Variants in ATP2C2 observed in about 807,000 individuals in gnomAD.
ATP2C2 encodes calcium-transporting ATPase type 2C member 2.
A neutral mutation model predicts 110.8 loss-of-function variants in ATP2C2; 171 were observed. The observed-to-expected ratio is 1.54, with a 90% CI of 1.36 to 1.75. The LOEUF (loss-of-function observed/expected upper bound fraction) is 1.75. Ranked by LOEUF, ATP2C2 falls within the 40% of genes most tolerant of loss-of-function variation. The probability of loss-of-function intolerance (pLI) is 0.00; values close to 1 mark genes in which losing one functional copy is unlikely to be tolerated. For missense variants in ATP2C2, 1,963 were observed against 1,235.0 expected, an observed-to-expected ratio of 1.59 and a Z score of -8.84; for synonymous variants, 804 against 508.4, an observed-to-expected ratio of 1.58 and a Z score of -7.82.
intron 23 of ATP2C2, chr16:84,460,270 TG>T (rs1465474613): frequency 4.0e-5 from 12 of 298,198 alleles, no homozygotes; most frequent in Non-Finnish European, 7.2e-5. Context: ...TGGAGTTGGC[TG>T]GAGGCTGGTC....
At chr16:84,438,902 C>G (rs1908983511) in intron 11 of ATP2C2, 1 of 350,602 alleles carries the variant, frequency 2.9e-6, no homozygotes, top group African/African-American at 2.0e-5. Context: ...AGAGGCAAAA[C>G]AGCTGACAGA....
chr16:84,429,311 C>T (rs546934032), intron 11 of ATP2C2, among the ~76,000 whole-genome samples: 15 of 152,222 alleles, frequency 9.9e-5, no homozygotes, highest in Non-Finnish European at 1.8e-4. Context: ...ACCACCACAC[C>T]CAGCTAATTT....
chr16:84,390,708 G>A (rs1250900220), intron 1 of ATP2C2, among the ~76,000 whole-genome samples: 1 of 152,158 alleles, frequency 6.6e-6, no homozygotes, highest in Non-Finnish European at 1.5e-5. Context: ...GCTCCACGTG[G>A]TGCCTGCACA....
intron 11 of ATP2C2, among the ~76,000 whole-genome samples, chr16:84,434,548 C>G (rs1020017087): frequency 1.3e-5 from 2 of 151,752 alleles, no homozygotes; most frequent in South Asian, 2.1e-4. Context: ...GATGGAGTCT[C>G]TCTCTGTCAC....
At chr16:84,409,444 T>G (rs1817131549) in intron 4 of ATP2C2, among the ~76,000 whole-genome samples, 1 of 152,060 alleles carries the variant, frequency 6.6e-6, no homozygotes, top group South Asian at 2.1e-4. Context: ...GAACTTAAAG[T>G]ATAACAAGAA....
At chr16:84,376,114 G>A (rs193032658) in intron 1 of ATP2C2, among the ~76,000 whole-genome samples, 3 of 152,172 alleles carry the variant, frequency 2.0e-5, no homozygotes, top group East Asian at 3.8e-4. Flanking sequence ...GGGTCTGTAC[G>A]TGACCATTTG....
intron 17 of ATP2C2, among the ~76,000 whole-genome samples, chr16:84,450,289 T>A (rs1910139636): frequency 6.6e-6 from 1 of 152,158 alleles, no homozygotes; most frequent in East Asian, 1.9e-4. Context: ...ATGTTATTCC[T>A]CAGCAGGTGA....
At chr16:84,460,628 A>T (rs773598307) in intron 23 of ATP2C2, 26 bp from the exon 24 acceptor site, 2 of 1,614,080 alleles carry the variant, frequency 1.2e-6, no homozygotes, top group Non-Finnish European at 1.7e-6. Context: ...GTTCATTTCA[A>T]AGTGTCTGTG....
chr16:84,373,613 C>T (rs968086437), intron 1 of ATP2C2, among the ~76,000 whole-genome samples: 2 of 152,146 alleles, frequency 1.3e-5, no homozygotes, highest in Admixed American at 1.3e-4. Context: ...AAGTCTAGGT[C>T]CAGTCTACAC....
At chr16:84,396,075 T>C (rs182732121) in intron 1 of ATP2C2, among the ~76,000 whole-genome samples, 4 of 152,288 alleles carry the variant, frequency 2.6e-5, no homozygotes, top group African/African-American at 9.6e-5. Flanking sequence ...GGATTTGTCC[T>C]TTCGGGTCTG....
intron 11 of ATP2C2, among the ~76,000 whole-genome samples, chr16:84,434,056 C>T (rs568328043): frequency 6.6e-6 from 1 of 152,284 alleles, no homozygotes; most frequent in South Asian, 2.1e-4. Flanking sequence ...GCAGCTTAGC[C>T]AGCGGAGATT....
At chr16:84,410,853 C>A in intron 6 of ATP2C2, 88 bp downstream of exon 6, 1 of 1,338,178 alleles carries the variant, frequency 7.5e-7, no homozygotes, top group Non-Finnish European at 1.1e-6. Context: ...AAAGTTGTAT[C>A]CTTGGTAGTG....
chr16:84,401,222 C>CTTTTTTT (rs55635029), intron 2 of ATP2C2, among the ~76,000 whole-genome samples: 2 of 121,562 alleles, frequency 1.6e-5, no homozygotes, highest in African/African-American at 3.1e-5. Context: ...AGTCTTTAAT[C>CTTTTTTT]TTTTTTTTTT....
Position 84,453,123 on chromosome 16 carries a change from C to A in ATP2C2, c.1832-15C>A, listed in dbSNP as rs759141003. On this transcript the variant is annotated splice_polypyrimidine_tract_variant and intron_variant, in intron 18 of 26. Coordinates refer to ENST00000262429, the MANE Select transcript of ATP2C2 (RefSeq NM_014861.4). ...CGGGCCTCAGAGCAGGCCCTCAGAA[C>A]AGGTTCTTCTGAAGGAAGAAACATC... 4 of 1,597,016 alleles carry A rather than the reference C, an allele frequency of 2.5e-6. No homozygotes were observed. The South Asian group carries it at 3.4e-5, about 13-fold the overall frequency.
chr16:84,386,035 T>C (rs1324976768), intron 1 of ATP2C2, among the ~76,000 whole-genome samples: 1 of 152,240 alleles, frequency 6.6e-6, no homozygotes, highest in Admixed American at 6.5e-5. Context: ...TGCCATGCCC[T>C]CTTGACATTT....
Position 84,463,800 on chromosome 16 carries a change from CTCCTCGTCA to C in ATP2C2, c.*69_*77del. 1 of 1,390,102 alleles carries C rather than the reference CTCCTCGTCA, an allele frequency of 7.2e-7. No individual in the cohort carries two copies. The allele number at this position is 1,390,102 out of a possible 1,614,324, so 86.1% of individuals were successfully genotyped here. A position where few individuals can be genotyped will look rare whatever the true frequency, so the allele number is the denominator to read the frequency against. ...GTTGTGACTGTGGCCCCTGCCGTGT[CTCCTCGTCA>C]GGGGAGACTTTTAGGAGGCCGCAGC... On this transcript the variant is annotated 3_prime_UTR_variant, in exon 27 of 27. Transcript: ENST00000262429.
chr16:84,384,764 C>T (rs1201683391), intron 1 of ATP2C2, among the ~76,000 whole-genome samples: 2 of 152,174 alleles, frequency 1.3e-5, no homozygotes. Flanking sequence ...AAAGAAATAC[C>T]TGAAGCCGGG....
intron 7 of ATP2C2, among the ~76,000 whole-genome samples, chr16:84,417,033 C>T (rs1011096530): frequency 6.6e-6 from 1 of 152,176 alleles, no homozygotes; most frequent in Admixed American, 6.5e-5. Context: ...GGCCAATGAC[C>T]TGGGGTTGGG....
Position 84,391,326 on chromosome 16 carries a change from G to A in ATP2C2, c.100-7173G>A, listed in dbSNP as rs182021375. On this transcript the variant is annotated intron_variant, in intron 1 of 26. Transcript: ENST00000262429. ...CGGACCCTTCAGCCCCACAGCCCCGGGGCAGCTACTGCCATCTCTCGCATC... is the reference window on the plus strand; with the variant it reads ...CGGACCCTTCAGCCCCACAGCCCCGAGGCAGCTACTGCCATCTCTCGCATC... Among the ~76,000 whole-genome samples the A allele has an allele frequency of 1.7e-3, 263 of 152,292 alleles. 3 individuals are homozygous for A. Among genetic ancestry groups the A allele is most frequent in the South Asian group, 2.1e-3 (10 of 4,828 alleles).
Sources: gnomAD v4.1 joint callset for allele counts (sites outside exome capture counted in the v4.1 genomes callset) on GRCh38, gnomAD v4.1.1 for gene constraint, MANE v1.5 for transcripts, NCBI Gene and HGNC (gene_info 2026-07-23, HGNC 2026-07-21) for gene names.